Variants in MRTFB observed in about 807,000 individuals in gnomAD.
MRTFB encodes the protein myocardin-related transcription factor B.
Under a neutral mutation model 104.2 loss-of-function variants are expected in MRTFB, and 29 were observed. The observed-to-expected ratio is 0.28, with a 90% confidence interval of 0.21 to 0.38. The LOEUF (loss-of-function observed/expected upper bound fraction) is 0.38. Among genes scored for constraint, MRTFB ranks in the 10% least tolerant of loss-of-function variants. MRTFB has a pLI of 1.00. For missense variants in MRTFB, 1,270 were observed against 1,341.6 expected (o/e 0.95, Z 0.83); for synonymous variants, 535 against 519.5 (o/e 1.03, Z -0.41).
At position 14,073,546 on chromosome 16, in the gene MRTFB, T is replaced by C. The variant is rs976922966; in HGVS notation, c.-129+2181T>C. On this transcript the variant is annotated intron_variant, in intron 1 of 16. Transcript: ENST00000571589. ...AGCATGCTTTTGGTTAGTGGCGCTT[T>C]CATTGATTATTCTAGAATCTCAGAT... Among the ~76,000 whole-genome samples the C allele has an allele frequency of 9.2e-5, 14 of 152,254 alleles. 1 individual carries two copies. Among genetic ancestry groups the C allele is most frequent in the Non-Finnish European group, 1.8e-4 (12 of 68,044 alleles).
Position 14,265,174 on chromosome 16 carries a change from T to A in MRTFB, c.*3730T>A, listed in dbSNP as rs143818815. On this transcript the variant is annotated 3_prime_UTR_variant, in exon 17 of 17. Coordinates refer to ENST00000571589, the MANE Select transcript of MRTFB (RefSeq NM_001308142.2). ...GCTCATGGTGCCGCTGGGGACTTTTTAGAGAAATGTAAAGAGAATAGCTAT... is the reference window on the plus strand; with the variant it reads ...GCTCATGGTGCCGCTGGGGACTTTTAAGAGAAATGTAAAGAGAATAGCTAT... 1.8e-3 allele frequency: 280 copies of A among 152,310 alleles called. No homozygotes were observed. Among genetic ancestry groups the A allele is most frequent in the African/African-American group, 6.3e-3 (263 of 41,556 alleles). 9.4% of individuals were successfully genotyped at this position (152,310 alleles called of 1,614,324 possible).
At chr16:14,038,327 T>C in the MRTFB span, among the ~76,000 whole-genome samples, 1 of 152,160 alleles carries the variant, frequency 6.6e-6, no homozygotes, top group Non-Finnish European at 1.5e-5. Flanking sequence ...TCACCAAATA[T>C]ACTCACATTC....
chr16:14,003,656 CCCTCCCTCCCTCCCTTCCTT>C, the MRTFB span, among the ~76,000 whole-genome samples: 1 of 73,550 alleles, frequency 1.4e-5, no homozygotes, highest in African/African-American at 3.5e-5. Context: ...CTCCCTCCCT[CCCTCCCTCCCTCCCTTCCTT>C]CCTTCCTTCC....
chr16:14,002,343 A>G, the MRTFB span, among the ~76,000 whole-genome samples: 6 of 152,036 alleles, frequency 3.9e-5, no homozygotes, highest in Non-Finnish European at 7.4e-5. Context: ...AGATGATGCC[A>G]CTGCACTCCA....
the MRTFB span, among the ~76,000 whole-genome samples, chr16:14,052,616 G>C: frequency 6.6e-6 from 1 of 151,948 alleles, no homozygotes; most frequent in Non-Finnish European, 1.5e-5. Context: ...GCTTATGCCT[G>C]TAATCCCAGC....
At chr16:14,071,546 G>C (rs937404065) in intron 1 of MRTFB, among the ~76,000 whole-genome samples, 181 bp downstream of exon 1, 2 of 151,320 alleles carry the variant, frequency 1.3e-5, no homozygotes, top group East Asian at 3.9e-4. Flanking sequence ...CGCGCGGGGC[G>C]GGGCGGCCGG....
Position 14,247,387 on chromosome 16 carries a change from T to G in MRTFB, c.2127T>G (p.Ala709=), listed in dbSNP as rs757553301. ...YVSSQGQPPP[A]VVAQPQALLT... ...GTTCCCAGGGACAGCCACCGCCTGC[T>G]GTTGTTGCTCAGCCCCAGGCTTTAC... The change falls in exon 12 of 17, where the codon GCT becomes GCG. Residue 709 remains alanine, a synonymous_variant. Coordinates refer to ENST00000571589, the MANE Select transcript of MRTFB (RefSeq NM_001308142.2). The G allele has an allele frequency of 6.2e-7, 1 of 1,613,798 alleles. No homozygotes were observed.
chr16:14,245,107 C>G (rs2042955311), intron 10 of MRTFB, among the ~76,000 whole-genome samples: 1 of 152,178 alleles, frequency 6.6e-6, no homozygotes, highest in Non-Finnish European at 1.5e-5. Flanking sequence ...ACAGTGTCCT[C>G]TTTTTGGTAA....
At chr16:14,033,762 G>A in the MRTFB span, among the ~76,000 whole-genome samples, 2 of 149,498 alleles carry the variant, frequency 1.3e-5, no homozygotes, top group African/African-American at 4.9e-5. Flanking sequence ...CTTGAACCCA[G>A]GAGACAGAGG....
At chr16:14,093,011 C>A (rs1167889989) in intron 2 of MRTFB, 3 of 152,152 alleles carry the variant, frequency 2.0e-5, no homozygotes, top group African/African-American at 7.2e-5. Flanking sequence ...AAATCTGACT[C>A]CTGATTCCTC....
chr16:14,252,132 T>A, intron 14 of MRTFB, 109 bp downstream of exon 14: 1 of 1,330,934 alleles, frequency 7.5e-7, no homozygotes, highest in Non-Finnish European at 1.0e-6. Context: ...GATAAAATTG[T>A]TGAAAATACA....
At chr16:14,248,884 TTC>T in intron 12 of MRTFB, 40 bp from the exon 13 acceptor site, 1 of 1,602,064 alleles carries the variant, frequency 6.2e-7, no homozygotes, top group Non-Finnish European at 8.5e-7. Context: ...CTAACTTTGA[TTC>T]TGACAATTAA....
At chr16:14,156,654 A>ATT (rs1383047275) in intron 3 of MRTFB, among the ~76,000 whole-genome samples, 1 of 152,210 alleles carries the variant, frequency 6.6e-6, no homozygotes, top group East Asian at 1.9e-4. Context: ...CAAGGAGGAA[A>ATT]GGTTTCACTG....
At chr16:14,230,756 C>T (rs574028803) in intron 8 of MRTFB, among the ~76,000 whole-genome samples, 1 of 152,212 alleles carries the variant, frequency 6.6e-6, no homozygotes, top group South Asian at 2.1e-4. Flanking sequence ...CTAGAAATAC[C>T]ATTTGACCCG....
chr16:14,179,971 G>A (rs1174152593), intron 3 of MRTFB, among the ~76,000 whole-genome samples: 1 of 152,206 alleles, frequency 6.6e-6, no homozygotes, highest in African/African-American at 2.4e-5. Flanking sequence ...GATTAGTCTG[G>A]TTATTGCCAA....
chr16:14,035,710 T>A, the MRTFB span, among the ~76,000 whole-genome samples: 1 of 152,014 alleles, frequency 6.6e-6, no homozygotes, highest in Non-Finnish European at 1.5e-5. Context: ...TAAAAAAAAA[T>A]GATTTCCATA....
At chr16:14,116,728 T>C (rs1435568153) in intron 2 of MRTFB, among the ~76,000 whole-genome samples, 1 of 151,984 alleles carries the variant, frequency 6.6e-6, no homozygotes, top group African/African-American at 2.4e-5. Context: ...GCATCCCTGG[T>C]CTCCACCCAC....
intron 2 of MRTFB, among the ~76,000 whole-genome samples, chr16:14,131,209 G>T (rs1357928214): frequency 2.6e-5 from 4 of 152,148 alleles, no homozygotes; most frequent in Non-Finnish European, 5.9e-5. Context: ...CACTGTCTCT[G>T]TTGTGGAAAA....
chr16:14,013,750 G>C, the MRTFB span, among the ~76,000 whole-genome samples: 1 of 152,160 alleles, frequency 6.6e-6, no homozygotes, highest in African/African-American at 2.4e-5. Flanking sequence ...CAAAGAGCAG[G>C]TCTCTGTAGT....
Sources: allele counts gnomAD v4.1 joint callset (sites outside exome capture counted in the v4.1 genomes callset), GRCh38; gene constraint gnomAD v4.1.1; transcripts MANE v1.5; gene names NCBI Gene and HGNC (gene_info 2026-07-23, HGNC 2026-07-21).